TAFA1: variants seen among roughly 807,000 people sequenced by gnomAD.
TAFA1 encodes the protein TAFA chemokine like family member 1, also known as chemokine-like protein TAFA-1.
A neutral mutation model predicts 18.5 loss-of-function variants in TAFA1; 4 were observed. That is an observed-to-expected ratio of 0.22 (90% CI 0.11 to 0.49). The LOEUF is 0.49. TAFA1 is among the 20% of genes least tolerant of loss of function. TAFA1 has a pLI of 0.98. For synonymous variants in TAFA1, 56 were observed against 55.2 expected, an observed-to-expected ratio of 1.01 and a Z score of -0.06; for missense variants, 147 against 169.0, an observed-to-expected ratio of 0.87 and a Z score of 0.72.
At chr3:68,308,745 G>C (rs969720869) in intron 2 of TAFA1, among the ~76,000 whole-genome samples, 13 of 151,988 alleles carry the variant, frequency 8.6e-5, no homozygotes, top group Non-Finnish European at 1.6e-4. Flanking sequence ...TAATGACACA[G>C]AGAAAGAGAT....
chr3:68,386,969 A>G (rs1176487321), intron 2 of TAFA1, among the ~76,000 whole-genome samples: 2 of 152,136 alleles, frequency 1.3e-5, no homozygotes, highest in Admixed American at 6.6e-5. Flanking sequence ...ATGGAAATAC[A>G]TATACTTGCC....
At chr3:68,419,371 A>T (rs1400747775) in intron 3 of TAFA1, among the ~76,000 whole-genome samples, 1 of 152,128 alleles carries the variant, frequency 6.6e-6, no homozygotes, top group Admixed American at 6.6e-5. Context: ...GGAAGGGTTG[A>T]ATAGTGTTCC....
At chr3:68,497,482 C>T (rs1470423733) in intron 3 of TAFA1, among the ~76,000 whole-genome samples, 3 of 152,016 alleles carry the variant, frequency 2.0e-5, no homozygotes, top group Non-Finnish European at 2.9e-5. Flanking sequence ...CAAGCTAAGA[C>T]ATAAAGGAAG....
chr3:68,250,610 A>G (rs760475887), intron 2 of TAFA1, among the ~76,000 whole-genome samples: 4 of 152,128 alleles, frequency 2.6e-5, no homozygotes, highest in Admixed American at 6.5e-5. Context: ...TCAGTCAGCT[A>G]AGAGGTACCT....
At chr3:68,027,224 C>A (rs1290426137) in intron 2 of TAFA1, among the ~76,000 whole-genome samples, 1 of 152,098 alleles carries the variant, frequency 6.6e-6, no homozygotes, top group Non-Finnish European at 1.5e-5. Context: ...TTCTCTAAGA[C>A]GTGAGAGGTT....
At chr3:68,239,462 AT>A (rs140141577) in intron 2 of TAFA1, among the ~76,000 whole-genome samples, 23 of 151,508 alleles carry the variant, frequency 1.5e-4, no homozygotes, top group East Asian at 7.8e-4. Context: ...TGGTAAGAGG[AT>A]TTTTTTTTCC....
intron 2 of TAFA1, among the ~76,000 whole-genome samples, chr3:68,179,698 G>C (rs372018858): frequency 6.6e-6 from 1 of 152,114 alleles, no homozygotes; most frequent in Non-Finnish European, 1.5e-5. Context: ...GCCTCTTCTT[G>C]ATGTAACCGC....
intron 2 of TAFA1, among the ~76,000 whole-genome samples, chr3:68,192,198 T>C (rs1373053095): frequency 1.3e-5 from 2 of 151,820 alleles, no homozygotes; most frequent in African/African-American, 2.4e-5. Flanking sequence ...CAGCTTTTGC[T>C]CTCATGGAGA....
At chr3:68,326,876 C>A (rs1024746672) in intron 2 of TAFA1, among the ~76,000 whole-genome samples, 1 of 152,160 alleles carries the variant, frequency 6.6e-6, no homozygotes, top group Non-Finnish European at 1.5e-5. Flanking sequence ...GTTTGGACAT[C>A]TTTAAATAGA....
chr3:68,456,954 C>T (rs2071678159), intron 3 of TAFA1, among the ~76,000 whole-genome samples: 1 of 152,132 alleles, frequency 6.6e-6, no homozygotes, highest in Non-Finnish European at 1.5e-5. Flanking sequence ...TCGTATGGGT[C>T]CCATGGTGTT....
At chr3:68,444,800 ATATATATATAT>A (rs1559673091) in intron 3 of TAFA1, among the ~76,000 whole-genome samples, 1 of 124,058 alleles carries the variant, frequency 8.1e-6, no homozygotes, top group Non-Finnish European at 1.7e-5. Flanking sequence ...ATATATATAT[ATATATATATAT>A]AAAATAAATT....
chr3:68,370,780 G>GTTT (rs34524243), intron 2 of TAFA1, among the ~76,000 whole-genome samples: 24 of 122,118 alleles, frequency 2.0e-4, no homozygotes, highest in African/African-American at 4.0e-4. Flanking sequence ...TGTTTTCGTT[G>GTTT]TTTTTTTTTT....
At position 68,435,952 on chromosome 3, in the gene TAFA1, C is replaced by A. The variant is rs138508313; in HGVS notation, c.259+18532C>A. 4.3e-3 allele frequency among the ~76,000 whole-genome samples: 660 copies of A among 152,204 alleles called. 4 individuals carry two copies. The highest frequency in any genetic ancestry group is 0.015 in the African/African-American group (616 of 41,548). ...TTAAAATATCAGTGGCTTGGCCACA[C>A]CCCTAGATATTTTTACTTGATTGAG... On this transcript the variant is annotated intron_variant, in intron 3 of 4. Transcript: ENST00000478136.
At chr3:68,201,199 C>T (rs918819669) in intron 2 of TAFA1, among the ~76,000 whole-genome samples, 1 of 151,508 alleles carries the variant, frequency 6.6e-6, no homozygotes, top group Non-Finnish European at 1.5e-5. Context: ...AGTTATCTTT[C>T]TGTTATTGAA....
At chr3:68,400,167 A>G (rs1290867113) in intron 2 of TAFA1, among the ~76,000 whole-genome samples, 1 of 152,154 alleles carries the variant, frequency 6.6e-6, no homozygotes, top group South Asian at 2.1e-4. Context: ...TTTGCACTGC[A>G]TCGACTGAAA....
intron 2 of TAFA1, among the ~76,000 whole-genome samples, chr3:68,183,885 T>C (rs1454877947): frequency 6.6e-6 from 1 of 152,160 alleles, no homozygotes; most frequent in Non-Finnish European, 1.5e-5. Context: ...CACAGATGTG[T>C]ACTATATAAT....
At chr3:68,219,425 C>G (rs533243298) in intron 2 of TAFA1, among the ~76,000 whole-genome samples, 1 of 151,932 alleles carries the variant, frequency 6.6e-6, no homozygotes, top group Non-Finnish European at 1.5e-5. Context: ...ACTCTGTTAC[C>G]CTATCTTTTG....
At chr3:68,180,205 T>C (rs1410306334) in intron 2 of TAFA1, among the ~76,000 whole-genome samples, 2 of 151,504 alleles carry the variant, frequency 1.3e-5, no homozygotes, top group Admixed American at 1.3e-4. Context: ...GCTAATTTTT[T>C]TTTTTTGTAT....
chr3:68,302,473 C>T (rs1214863223), intron 2 of TAFA1, among the ~76,000 whole-genome samples: 1 of 152,134 alleles, frequency 6.6e-6, no homozygotes, highest in Non-Finnish European at 1.5e-5. Flanking sequence ...AGTTCATATG[C>T]TAATAGCTGG....
Sources: allele counts gnomAD v4.1 joint callset (sites outside exome capture counted in the v4.1 genomes callset), GRCh38; gene constraint gnomAD v4.1.1; transcripts MANE v1.5; gene names NCBI Gene and HGNC (gene_info 2026-07-23, HGNC 2026-07-21).